The following RANBP2 variants were observed in gnomAD, a reference collection of about 807,000 sequenced individuals.
RANBP2 encodes RAN binding protein 2.
A neutral mutation model predicts 303.6 loss-of-function variants in RANBP2; 57 were observed. The observed-to-expected ratio is 0.19, with a 90% CI of 0.15 to 0.23. RANBP2 has a LOEUF of 0.23. Among genes scored for constraint, RANBP2 ranks in the 10% least tolerant of loss-of-function variants. The pLI, the probability that RANBP2 is intolerant of heterozygous loss-of-function variation, is 1.00. For synonymous variants in RANBP2, 1,167 were observed against 1,301.5 expected (o/e 0.90, Z 2.23); for missense variants, 3,138 against 3,780.8 (o/e 0.83, Z 4.46).
the RANBP2 span, among the ~76,000 whole-genome samples, chr2:109,374,280 A>G: frequency 1.3e-5 from 2 of 152,232 alleles, no homozygotes; most frequent in Non-Finnish European, 1.5e-5. Flanking sequence ...ATGGCTGCCC[A>G]TGCAGTACTG....
chr2:109,505,540 G>A, the RANBP2 span, among the ~76,000 whole-genome samples: 16 of 152,144 alleles, frequency 1.1e-4, no homozygotes, highest in African/African-American at 3.4e-4. Context: ...AAGTGAACTC[G>A]TACAAGATTA....
chr2:109,322,164 C>T, the RANBP2 span, among the ~76,000 whole-genome samples: 2 of 152,126 alleles, frequency 1.3e-5, no homozygotes, highest in Admixed American at 6.6e-5. Context: ...AGACAAGACA[C>T]GGATACACAG....
chr2:109,193,877 C>G, the RANBP2 span, among the ~76,000 whole-genome samples: 1 of 152,212 alleles, frequency 6.6e-6, no homozygotes, highest in African/African-American at 2.4e-5. Context: ...CTGATAATCT[C>G]CGTTTACAGG....
the RANBP2 span, among the ~76,000 whole-genome samples, chr2:109,209,616 G>A: frequency 6.6e-6 from 1 of 152,150 alleles, no homozygotes; most frequent in African/African-American, 2.4e-5. Context: ...CTGCTGTGTA[G>A]GTGGGGAGGA....
chr2:109,376,934 T>G, the RANBP2 span, among the ~76,000 whole-genome samples: 7 of 152,316 alleles, frequency 4.6e-5, no homozygotes, highest in East Asian at 1.2e-3. Context: ...TAGTCTGCAA[T>G]GTGAGGACAG....
At chr2:108,954,099 T>G in the RANBP2 span, among the ~76,000 whole-genome samples, 2 of 152,148 alleles carry the variant, frequency 1.3e-5, no homozygotes, top group African/African-American at 4.8e-5. Context: ...GATAACCCAG[T>G]GAGGAAAAGT....
chr2:108,721,352 C>T (rs1334451839), intron 1 of RANBP2, among the ~76,000 whole-genome samples: 1 of 152,134 alleles, frequency 6.6e-6, no homozygotes, highest in East Asian at 1.9e-4. Context: ...AAACTGCTAG[C>T]ATAGTATAAA....
chr2:109,582,836 A>G, the RANBP2 span, among the ~76,000 whole-genome samples: 8 of 152,204 alleles, frequency 5.3e-5, no homozygotes, highest in Non-Finnish European at 1.0e-4. Context: ...AGACAAATAG[A>G]CCAATGGAAT....
At chr2:108,864,820 G>A in the RANBP2 span, among the ~76,000 whole-genome samples, 2 of 151,106 alleles carry the variant, frequency 1.3e-5, no homozygotes, top group African/African-American at 4.9e-5. Flanking sequence ...AATTAGCTTG[G>A]CATAATGGTG....
the RANBP2 span, among the ~76,000 whole-genome samples, chr2:108,931,363 T>C: frequency 6.6e-6 from 1 of 152,198 alleles, no homozygotes; most frequent in Admixed American, 6.5e-5. Context: ...GAGCTTTAAG[T>C]CTGGAGTCCT....
At chr2:108,943,922 C>A in the RANBP2 span, among the ~76,000 whole-genome samples, 2 of 152,156 alleles carry the variant, frequency 1.3e-5, no homozygotes, top group Non-Finnish European at 2.9e-5. Flanking sequence ...ACGTTGCTTC[C>A]AAAACAGGGA....
the RANBP2 span, among the ~76,000 whole-genome samples, chr2:108,845,680 T>C: frequency 2.6e-5 from 4 of 151,330 alleles, no homozygotes; most frequent in African/African-American, 7.3e-5. Context: ...CACACCATTC[T>C]CCTGTCTCAG....
chr2:109,392,401 T>C, the RANBP2 span, among the ~76,000 whole-genome samples: 23 of 152,148 alleles, frequency 1.5e-4, no homozygotes, highest in African/African-American at 5.3e-4. Context: ...TCCTTATCTG[T>C]AAAATGGCCA....
chr2:108,812,111 A>G, the RANBP2 span, among the ~76,000 whole-genome samples: 2 of 152,156 alleles, frequency 1.3e-5, no homozygotes, highest in South Asian at 2.1e-4. Flanking sequence ...ACTACAAAAC[A>G]TTATTAAAAG....
At chr2:109,085,753 A>C in the RANBP2 span, among the ~76,000 whole-genome samples, 4 of 151,988 alleles carry the variant, frequency 2.6e-5, no homozygotes, top group Admixed American at 2.6e-4. Context: ...GGCACCTGCC[A>C]CCACGCCTGG....
the RANBP2 span, among the ~76,000 whole-genome samples, chr2:109,747,411 A>G: frequency 6.8e-6 from 1 of 146,966 alleles, no homozygotes; most frequent in Non-Finnish European, 1.5e-5. Flanking sequence ...GATTCAAATC[A>G]ACGACTCTAA....
At chr2:109,500,520 G>A in the RANBP2 span, among the ~76,000 whole-genome samples, 1 of 152,208 alleles carries the variant, frequency 6.6e-6, no homozygotes, top group Non-Finnish European at 1.5e-5. Context: ...GGCCTCAGAG[G>A]CTGCAGGGGG....
chr2:109,506,342 T>G, the RANBP2 span, among the ~76,000 whole-genome samples: 2 of 152,240 alleles, frequency 1.3e-5, no homozygotes, highest in Non-Finnish European at 2.9e-5. Flanking sequence ...TGCTGGGAGC[T>G]GCAGGGTGAG....
the RANBP2 span, among the ~76,000 whole-genome samples, chr2:109,045,010 T>A: frequency 2.6e-5 from 4 of 152,204 alleles, no homozygotes; most frequent in South Asian, 8.3e-4. Flanking sequence ...CAGGAGTTTT[T>A]ATTCCAAAAG....
Sources: gnomAD v4.1 joint callset for allele counts (sites outside exome capture counted in the v4.1 genomes callset) on GRCh38, gnomAD v4.1.1 for gene constraint, MANE v1.5 for transcripts, NCBI Gene and HGNC (gene_info 2026-07-23, HGNC 2026-07-21) for gene names.